Variants in MAPK10 observed in about 807,000 individuals in gnomAD.
MAPK10 encodes the protein mitogen-activated protein kinase 10.
A neutral mutation model predicts 59.3 loss-of-function variants in MAPK10; 25 were observed. The ratio of observed to expected loss-of-function variants is 0.42; its 90% CI spans 0.31 to 0.59. The LOEUF is 0.59. Ranked by LOEUF, MAPK10 falls within the 20% of genes least tolerant of loss-of-function variation. The pLI, the probability that MAPK10 is intolerant of heterozygous loss-of-function variation, is 0.15. For synonymous variants in MAPK10, 190 were observed against 200.5 expected, an observed-to-expected ratio of 0.95 and a Z score of 0.44; for missense variants, 351 against 568.9, an observed-to-expected ratio of 0.62 and a Z score of 3.90.
chr4:86,291,799 T>C (rs1432340274), intron 2 of MAPK10, among the ~76,000 whole-genome samples: 2 of 152,178 alleles, frequency 1.3e-5, no homozygotes, highest in African/African-American at 4.8e-5. Context: ...AAATGACTCA[T>C]TTTGCAAGTG....
chr4:86,575,419 T>C (rs79480165), intron 1 of MAPK10, among the ~76,000 whole-genome samples: 7,133 of 152,266 alleles, frequency 0.047, 221 homozygotes, highest in African/African-American at 0.059. Context: ...AGCTGACTAA[T>C]ACACACAAGT....
chr4:86,405,168 A>T (rs1025750375), intron 1 of MAPK10, among the ~76,000 whole-genome samples: 3 of 152,156 alleles, frequency 2.0e-5, no homozygotes, highest in African/African-American at 7.2e-5. Context: ...TCTTATTTGA[A>T]TCAATCTAGC....
At chr4:86,544,647 A>G (rs1185754873) in intron 1 of MAPK10, among the ~76,000 whole-genome samples, 1 of 152,224 alleles carries the variant, frequency 6.6e-6, no homozygotes, top group Non-Finnish European at 1.5e-5. Flanking sequence ...CTTTGAGAGA[A>G]GTATAGTTTA....
intron 3 of MAPK10, among the ~76,000 whole-genome samples, chr4:86,182,245 T>A (rs901988242): frequency 3.3e-5 from 5 of 152,046 alleles, no homozygotes; most frequent in Non-Finnish European, 7.4e-5. Context: ...AGTCAGTGAA[T>A]CCCATATTCT....
chr4:86,380,486 T>G (rs1263930721), intron 1 of MAPK10, among the ~76,000 whole-genome samples: 4 of 152,198 alleles, frequency 2.6e-5, no homozygotes, highest in African/African-American at 9.6e-5. Context: ...GGACTGCCAC[T>G]GACAAACAAG....
chr4:86,103,551 G>A lies in MAPK10; in HGVS notation c.367-307C>T, dbSNP rs149073713. On this transcript the variant is annotated intron_variant, in intron 5 of 13. Coordinates refer to ENST00000641462, the MANE Select transcript of MAPK10 (RefSeq NM_138982.4). Reference sequence around the variant, plus strand: ...TCCTCGTGGCAGAATATGGGCCTTCGGGGGATTAAACAAAAAAGGAAGAAA... The same window carrying A: ...TCCTCGTGGCAGAATATGGGCCTTCAGGGGATTAAACAAAAAAGGAAGAAA... 5.3e-3 allele frequency among the ~76,000 whole-genome samples: 813 copies of A among 152,112 alleles called. 6 individuals carry two copies. The highest frequency in any genetic ancestry group is 7.4e-3 in the Non-Finnish European group (504 of 67,984).
intron 1 of MAPK10, among the ~76,000 whole-genome samples, chr4:86,367,058 C>T (rs886448477): frequency 1.3e-5 from 2 of 151,998 alleles, no homozygotes; most frequent in Admixed American, 6.6e-5. Flanking sequence ...TGTGAAAGAA[C>T]GAGTTGCAAA....
At chr4:86,340,552 C>A (rs1724305195) in intron 2 of MAPK10, 1 of 152,136 alleles carries the variant, frequency 6.6e-6, no homozygotes, top group Non-Finnish European at 1.5e-5. Context: ...ATGATCTAAT[C>A]ATCTCCCACC....
chr4:86,029,971 T>C (rs2038596343), intron 12 of MAPK10, among the ~76,000 whole-genome samples: 1 of 112,842 alleles, frequency 8.9e-6, no homozygotes, highest in African/African-American at 4.5e-5. Flanking sequence ...CTGTTTACTC[T>C]GTCCCTTTAG....
At chr4:86,565,790 C>A (rs918623611) in intron 1 of MAPK10, among the ~76,000 whole-genome samples, 1 of 152,140 alleles carries the variant, frequency 6.6e-6, no homozygotes, top group African/African-American at 2.4e-5. Flanking sequence ...AGTAAACTAT[C>A]AAACTCCTAT....
chr4:86,578,246 C>T (rs918354220), intron 1 of MAPK10, among the ~76,000 whole-genome samples: 10 of 152,052 alleles, frequency 6.6e-5, no homozygotes, highest in African/African-American at 2.2e-4. Context: ...TGCTAAACAT[C>T]CTGTAGTGCA....
At chr4:86,188,569 C>A (rs992429568) in intron 3 of MAPK10, among the ~76,000 whole-genome samples, 4 of 152,206 alleles carry the variant, frequency 2.6e-5, no homozygotes, top group East Asian at 1.9e-4. Context: ...CTGTTCATAT[C>A]ATTTGCCCAT....
intron 1 of MAPK10, among the ~76,000 whole-genome samples, chr4:86,563,014 T>C (rs973936630): frequency 1.3e-5 from 2 of 152,224 alleles, no homozygotes; most frequent in African/African-American, 4.8e-5. Flanking sequence ...CTACCTTGTA[T>C]TGTTATGTTT....
intron 2 of MAPK10, among the ~76,000 whole-genome samples, chr4:86,347,668 G>T (rs562036666): frequency 1.3e-5 from 2 of 152,018 alleles, no homozygotes; most frequent in African/African-American, 2.4e-5. Flanking sequence ...AAATAGATCC[G>T]GTGTCTGTTG....
At chr4:86,516,950 T>C (rs1271436084) in intron 1 of MAPK10, among the ~76,000 whole-genome samples, 1 of 152,234 alleles carries the variant, frequency 6.6e-6, no homozygotes, top group Non-Finnish European at 1.5e-5. Context: ...AGTACTATGC[T>C]AAATAGAAGT....
At chr4:86,371,154 CA>C (rs1010430440) in intron 1 of MAPK10, among the ~76,000 whole-genome samples, 2 of 152,132 alleles carry the variant, frequency 1.3e-5, no homozygotes, top group Non-Finnish European at 2.9e-5. Context: ...AGTCATTTAA[CA>C]AATACTACCT....
chr4:86,402,783 C>T (rs1331374737), intron 1 of MAPK10, among the ~76,000 whole-genome samples: 1 of 152,102 alleles, frequency 6.6e-6, no homozygotes, highest in Non-Finnish European at 1.5e-5. Context: ...ATTCGGTGGC[C>T]TCAAGTCTAA....
At chr4:86,287,985 T>C (rs938522930) in intron 2 of MAPK10, among the ~76,000 whole-genome samples, 5 of 152,056 alleles carry the variant, frequency 3.3e-5, no homozygotes, top group Non-Finnish European at 5.9e-5. Flanking sequence ...ATGACCAAGA[T>C]CAAATAAATT....
chr4:86,256,166 C>G (rs1187568284), intron 2 of MAPK10, among the ~76,000 whole-genome samples: 2 of 152,114 alleles, frequency 1.3e-5, no homozygotes. Context: ...GTATTTTGTA[C>G]ATTATAACAT....
Sources: gnomAD v4.1 joint callset for allele counts (sites outside exome capture counted in the v4.1 genomes callset) on GRCh38, gnomAD v4.1.1 for gene constraint, MANE v1.5 for transcripts, NCBI Gene and HGNC (gene_info 2026-07-23, HGNC 2026-07-21) for gene names.